Variants in KIDINS220 observed in about 807,000 individuals in gnomAD.
KIDINS220 encodes the protein kinase D interacting substrate 220, also known as kinase D-interacting substrate of 220 kDa.
Under a neutral mutation model 157.6 loss-of-function variants are expected in KIDINS220, and 63 were observed. The observed-to-expected ratio is 0.40, with a 90% CI of 0.33 to 0.49. The LOEUF is 0.49. Ranked by LOEUF, KIDINS220 falls within the 20% of genes least tolerant of loss-of-function variation. The pLI is 0.66. For missense variants in KIDINS220, 1,772 were observed against 2,171.2 expected (o/e 0.82, Z 3.65); for synonymous variants, 732 against 783.6 (o/e 0.93, Z 1.10).
rs1460876506 is a variant in KIDINS220 at position 8,750,112 on chromosome 2, C to T, written c.3414G>A (p.Arg1138=). 3 of 1,612,644 alleles carry T rather than the reference C, an allele frequency of 1.9e-6. No individual in the cohort carries two copies. In the African/African-American group the frequency reaches 4.0e-5, roughly 22 times the overall value. The part of the protein sequence containing the change: ...MTGPQHPFYN[R]PFFAPYLYTP... ...ATAAAGCTGCCTCCAACTTCCTTAC[C>T]CTGTTGTAGAAGGGATGCTGAGGGC... is the stretch of plus-strand genomic sequence containing the variant. Residue 1138 remains arginine (R), a splice_region_variant and synonymous_variant, in exon 24 of 30, where the codon AGG becomes AGA. Transcript: ENST00000256707.
chr2:8,757,792 G>A, intron 22 of KIDINS220: 1 of 1,604,348 alleles, frequency 6.2e-7, no homozygotes, highest in Non-Finnish European at 8.5e-7. Flanking sequence ...CAGCATCTGT[G>A]TTTGAATAAT....
intron 17 of KIDINS220, among the ~76,000 whole-genome samples, chr2:8,784,750 C>T (rs1336879362): frequency 6.6e-6 from 1 of 152,168 alleles, no homozygotes; most frequent in African/African-American, 2.4e-5. Flanking sequence ...ATCCAGAACA[C>T]CAATAATACC....
intron 8 of KIDINS220, among the ~76,000 whole-genome samples, chr2:8,801,345 G>C (rs544834295): frequency 6.6e-6 from 1 of 152,256 alleles, no homozygotes; most frequent in East Asian, 1.9e-4. Context: ...ATTAAGTTCA[G>C]CACCATGCTG....
At chr2:8,749,236 C>A (rs1407066502) in intron 24 of KIDINS220, 2 of 226,554 alleles carry the variant, frequency 8.8e-6, no homozygotes, top group Non-Finnish European at 1.8e-5. Context: ...ATCCTAAATT[C>A]TCTTTCTTCC....
chr2:8,762,200 C>T (rs910457978), intron 22 of KIDINS220, among the ~76,000 whole-genome samples: 10 of 152,084 alleles, frequency 6.6e-5, no homozygotes, highest in Admixed American at 1.3e-4. Flanking sequence ...CAATTCCAAA[C>T]ACTGTAGAAC....
At position 8,742,651 on chromosome 2, in the gene KIDINS220, G is replaced by A. The variant is rs148700709; in HGVS notation, c.3585+4494C>T. ...AAATAAAGCTGTCCAAAGGTAACGA[G>A]TAAACCCTGTAGCTGAGGAGGTCAA... On this transcript the variant is annotated intron_variant, in intron 26 of 29. Coordinates refer to ENST00000256707, the MANE Select transcript of KIDINS220 (RefSeq NM_020738.4). 6.2e-4 allele frequency among the ~76,000 whole-genome samples: 95 copies of A among 152,266 alleles called. 1 individual carries two copies. The highest frequency in any genetic ancestry group is 2.5e-3 in the East Asian group (13 of 5,188).
chr2:8,794,882 ACTCTC>A (rs1434475163), intron 11 of KIDINS220, among the ~76,000 whole-genome samples: 1 of 151,754 alleles, frequency 6.6e-6, no homozygotes, highest in Non-Finnish European at 1.5e-5. Context: ...CATCTTCTAG[ACTCTC>A]CTCTCATGTC....
At chr2:8,733,028 C>T (rs956858394) in intron 29 of KIDINS220, among the ~76,000 whole-genome samples, 5 of 152,190 alleles carry the variant, frequency 3.3e-5, no homozygotes, top group Admixed American at 2.0e-4. Context: ...GTGCAGGCGT[C>T]CTGGAAAACC....
At chr2:8,761,784 C>T (rs958834450) in intron 22 of KIDINS220, among the ~76,000 whole-genome samples, 4 of 152,134 alleles carry the variant, frequency 2.6e-5, no homozygotes, top group African/African-American at 9.7e-5. Context: ...ATATTGCTAA[C>T]AGGAGCCACT....
rs576399737 is a variant in KIDINS220 at position 8,749,818 on chromosome 2, G to T, written c.3414+294C>A. ...TTTGTTTATAAACAAACAAAAAACAGATTCCTTTGAAGCTAGGACAGTCAC... is the reference window on the plus strand; with the variant it reads ...TTTGTTTATAAACAAACAAAAAACATATTCCTTTGAAGCTAGGACAGTCAC... On this transcript the variant is annotated intron_variant, in intron 24 of 29. Coordinates refer to ENST00000256707, the MANE Select transcript of KIDINS220 (RefSeq NM_020738.4). Among the ~76,000 whole-genome samples, 32 of 151,980 alleles carry T rather than the reference G, an allele frequency of 2.1e-4. 1 individual carries two copies. Among genetic ancestry groups the T allele is most frequent in the African/African-American group, 7.7e-4 (32 of 41,456 alleles).
intron 22 of KIDINS220, among the ~76,000 whole-genome samples, chr2:8,756,491 T>C (rs1668029399): frequency 1.3e-5 from 2 of 152,176 alleles, no homozygotes; most frequent in African/African-American, 4.8e-5. Context: ...GTGGTGAAAG[T>C]GGGTATCTTA....
At chr2:8,814,198 C>T (rs1676724021) in intron 4 of KIDINS220, among the ~76,000 whole-genome samples, 1 of 152,172 alleles carries the variant, frequency 6.6e-6, no homozygotes, top group African/African-American at 2.4e-5. Context: ...TGATGTTCTA[C>T]TTGCTAAGCT....
intron 22 of KIDINS220, among the ~76,000 whole-genome samples, chr2:8,769,280 T>C (rs919173348): frequency 6.6e-6 from 1 of 152,200 alleles, no homozygotes; most frequent in Non-Finnish European, 1.5e-5. Context: ...AGTTCTCCTG[T>C]GCCCAAGTTT....
At chr2:8,752,222 T>C (rs2148057678) in intron 22 of KIDINS220, among the ~76,000 whole-genome samples, 2 of 152,246 alleles carry the variant, frequency 1.3e-5, no homozygotes, top group East Asian at 3.9e-4. Context: ...GATTTCGCCA[T>C]GTTGCCCAGG....
At position 8,806,825 on chromosome 2, in the gene KIDINS220, C is replaced by T. The variant is rs1675520864; in HGVS notation, c.505-456G>A. Among the ~76,000 whole-genome samples, 4 of 152,346 alleles carry T rather than the reference C, an allele frequency of 2.6e-5. No homozygotes were observed. The South Asian group carries it at 8.3e-4, about 32-fold the overall frequency. On this transcript the variant is annotated intron_variant, in intron 6 of 29. Transcript: ENST00000256707. Reference sequence around the variant, plus strand: ...TGAACTCCTGACCTCAAGTGATCTGCCTACCTCAGCCTCCCCAAGTGCTGG... The same window carrying T: ...TGAACTCCTGACCTCAAGTGATCTGTCTACCTCAGCCTCCCCAAGTGCTGG...
At chr2:8,813,464 G>A in intron 4 of KIDINS220, 129 bp from the exon 5 acceptor site, 2 of 614,742 alleles carry the variant, frequency 3.3e-6, no homozygotes, top group South Asian at 5.4e-5. Context: ...GTATTATATA[G>A]TTCTAAATTC....
chr2:8,747,985 A>C lies in KIDINS220; in HGVS notation c.3430T>G (p.Tyr1144Asp). 2 of 1,571,550 alleles carry C rather than the reference A, an allele frequency of 1.3e-6. No individual in the cohort carries two copies. Among genetic ancestry groups the C allele is most frequent in the Non-Finnish European group, 1.7e-6 (2 of 1,162,286 alleles). ...PFYNRPFFAP[Y>D]LYTPRYYPGG... The stretch of plus-strand genomic sequence containing the variant: ...GGGTAATACCTTGGCGTGTAAAGGT[A>C]TGGGGCAAAGAATGGCTATGGAAAA... Residue 1144 changes from tyrosine (Y) to aspartate (D), a missense_variant, in exon 25 of 30, where the codon TAC (tyrosine) becomes GAC (aspartate). Physicochemically the swap from Tyr to Asp is radical, Grantham distance 160. Around this residue, in one of 3 missense-constraint regions of KIDINS220, gnomAD observed 793 missense variants for 885.5 expected, o/e 0.90. Transcript: ENST00000256707.
At chr2:8,764,003 T>A (rs1438934488) in intron 22 of KIDINS220, among the ~76,000 whole-genome samples, 1 of 152,210 alleles carries the variant, frequency 6.6e-6, no homozygotes, top group Non-Finnish European at 1.5e-5. Flanking sequence ...AAGTACCCAC[T>A]GACTAATGAG....
At chr2:8,792,986 T>C (rs1263616119) in intron 12 of KIDINS220, among the ~76,000 whole-genome samples, 2 of 152,194 alleles carry the variant, frequency 1.3e-5, no homozygotes, top group Admixed American at 1.3e-4. Context: ...TTTTGTAACA[T>C]ATTATAACTC....
Sources: allele counts gnomAD v4.1 joint callset (sites outside exome capture counted in the v4.1 genomes callset), GRCh38; gene constraint gnomAD v4.1.1; regional missense constraint gnomAD v4.1.1; transcripts MANE v1.5; gene names NCBI Gene and HGNC (gene_info 2026-07-23, HGNC 2026-07-21).